The following LAMA3 variants were observed in gnomAD, a reference collection of about 807,000 sequenced individuals.
LAMA3 encodes laminin subunit alpha 3, also known as laminin subunit alpha-3.
A neutral mutation model predicts 402.0 loss-of-function variants in LAMA3; 281 were observed. That is an observed-to-expected ratio of 0.70 (90% CI 0.63 to 0.77). The LOEUF (loss-of-function observed/expected upper bound fraction) is 0.77. Ranked by LOEUF, LAMA3 falls within the 30% of genes least tolerant of loss-of-function variation. LAMA3 has a pLI of 0.00. For missense variants in LAMA3, 3,840 were observed against 4,215.5 expected, an observed-to-expected ratio of 0.91 and a Z score of 2.47; for synonymous variants, 1,431 against 1,558.4, an observed-to-expected ratio of 0.92 and a Z score of 1.93.
chr18:23,796,518 C>T (rs555696198), intron 12 of LAMA3, among the ~76,000 whole-genome samples: 1 of 152,182 alleles, frequency 6.6e-6, no homozygotes, highest in South Asian at 2.1e-4. Flanking sequence ...AGTGACCAAT[C>T]CTAAGAAAGA....
chr18:23,694,151 T>C (rs1320237960), intron 1 of LAMA3, among the ~76,000 whole-genome samples: 2 of 152,208 alleles, frequency 1.3e-5, no homozygotes, highest in Non-Finnish European at 2.9e-5. Context: ...CATATTGTAT[T>C]CCCTCAGTGG....
chr18:23,915,828 A>G (rs112601611), intron 59 of LAMA3, among the ~76,000 whole-genome samples: 6,327 of 151,736 alleles, frequency 0.042, 427 homozygotes, highest in African/African-American at 0.15. Context: ...CAACATGGCG[A>G]AACCCCATCT....
At chr18:23,916,763 G>A (rs546834913) in intron 60 of LAMA3, 68 bp downstream of exon 60, 3 of 1,515,870 alleles carry the variant, frequency 2.0e-6, no homozygotes, top group African/African-American at 2.7e-5. Flanking sequence ...GGAGATAACT[G>A]GGTTGTTATA....
At chr18:23,885,037 T>C (rs1334119592) in intron 41 of LAMA3, among the ~76,000 whole-genome samples, 184 bp downstream of exon 41, 1 of 152,098 alleles carries the variant, frequency 6.6e-6, no homozygotes, top group Admixed American at 6.5e-5. Context: ...TTCTCTTTCC[T>C]GCTTTGTACG....
chr18:23,925,487 T>C (rs1316312918), intron 62 of LAMA3, among the ~76,000 whole-genome samples: 2 of 152,180 alleles, frequency 1.3e-5, no homozygotes, highest in Non-Finnish European at 2.9e-5. Flanking sequence ...ATGAAAATGA[T>C]CCAAAAAGTA....
intron 69 of LAMA3, among the ~76,000 whole-genome samples, chr18:23,945,883 C>T (rs1337877610): frequency 1.3e-5 from 2 of 151,964 alleles, no homozygotes. Flanking sequence ...CAGATGAATT[C>T]TATAATCTCT....
At chr18:23,849,503 G>C (rs1381862022) in intron 32 of LAMA3, among the ~76,000 whole-genome samples, 1 of 152,198 alleles carries the variant, frequency 6.6e-6, no homozygotes, top group Non-Finnish European at 1.5e-5. Context: ...ACAATAAATC[G>C]CTGCAAATGG....
intron 1 of LAMA3, among the ~76,000 whole-genome samples, chr18:23,698,973 C>T (rs1271423851): frequency 2.0e-5 from 3 of 150,994 alleles, no homozygotes; most frequent in South Asian, 4.2e-4. Flanking sequence ...GGCCAGGGTG[C>T]GGTGGCTCAC....
At chr18:23,691,638 C>T (rs993540181) in intron 1 of LAMA3, among the ~76,000 whole-genome samples, 1 of 152,208 alleles carries the variant, frequency 6.6e-6, no homozygotes, top group Non-Finnish European at 1.5e-5. Context: ...GTGGTGCTAT[C>T]TTGGCTCACT....
At position 23,842,638 on chromosome 18, in the gene LAMA3, A is replaced by G; in HGVS notation, c.3491A>G (p.His1164Arg). 4 of 1,613,904 alleles carry G rather than the reference A, an allele frequency of 2.5e-6. No homozygotes were observed. The highest frequency in any genetic ancestry group is 3.4e-6 in the Non-Finnish European group (4 of 1,179,978). Residue 1164 changes from histidine to arginine, a missense_variant, in exon 29 of 75, where the codon CAT becomes CGT. By Grantham distance (29) the His-to-Arg change is conservative. Around this residue, in one of 3 missense-constraint regions of LAMA3, gnomAD observed 2,109 missense variants for 2,376.0 expected, o/e 0.89. Transcript: ENST00000313654. ...AGSFHASFCP[H>R]VLGCRDQVIA... The stretch of plus-strand genomic sequence containing the variant: ...TCCTTCCATGCCTCTTTTTGCCCCC[A>G]TGTGCTTGGCTGCCGGGATCAAGTG...
chr18:23,912,279 G>A (rs1470028708), intron 55 of LAMA3, among the ~76,000 whole-genome samples: 2 of 151,514 alleles, frequency 1.3e-5, no homozygotes, highest in Non-Finnish European at 2.9e-5. Flanking sequence ...GATTACAGGT[G>A]TGAGCTACTG....
intron 24 of LAMA3, 84 bp from the exon 25 acceptor site, chr18:23,836,897 A>G (rs2063592427): frequency 1.1e-6 from 1 of 932,250 alleles, no homozygotes; most frequent in South Asian, 1.3e-5. Context: ...GTGAAACCAA[A>G]GAGCCATCAG....
chr18:23,742,789 C>G (rs986148579), intron 2 of LAMA3, among the ~76,000 whole-genome samples: 1 of 151,852 alleles, frequency 6.6e-6, no homozygotes, highest in Non-Finnish European at 1.5e-5. Flanking sequence ...ACAAATTATG[C>G]AAAATAAAAA....
chr18:23,874,059 C>T (rs1250244253), intron 38 of LAMA3, among the ~76,000 whole-genome samples: 1 of 152,088 alleles, frequency 6.6e-6, no homozygotes, highest in East Asian at 1.9e-4. Flanking sequence ...GTAACTCTTG[C>T]AGAGTATATT....
At chr18:23,822,477 C>G (rs2063305711) in intron 20 of LAMA3, 102 bp downstream of exon 20, 3 of 1,287,220 alleles carry the variant, frequency 2.3e-6, no homozygotes, top group Non-Finnish European at 3.3e-6. Context: ...TAGAAAATGT[C>G]AAGCCTGGCT....
At chr18:23,885,749 T>C (rs2065053741) in intron 41 of LAMA3, among the ~76,000 whole-genome samples, 2 of 152,154 alleles carry the variant, frequency 1.3e-5, no homozygotes, top group Non-Finnish European at 2.9e-5. Flanking sequence ...TCAATACATA[T>C]TTATTATAAA....
rs1327888468 is a variant in LAMA3 at position 23,749,335 on chromosome 18, G to A, written c.566-93G>A. 68 of 709,852 alleles carry A rather than the reference G, an allele frequency of 9.6e-5. No individual in the cohort carries two copies. In the South Asian group the frequency reaches 1.2e-3, roughly 13 times the overall value. 44.0% of individuals were successfully genotyped at this position (709,852 alleles called of 1,614,324 possible). A position where few individuals can be genotyped will look rare whatever the true frequency, so the allele number is the denominator to read the frequency against. ...ATGCCTTTCTGTTTTTTCTTTCTTT[G>A]TGTATTTTCTTAAGGAAACATAAGG... On this transcript the variant is annotated intron_variant, in intron 3 of 74. Coordinates refer to ENST00000313654, the MANE Select transcript of LAMA3 (RefSeq NM_198129.4).
rs45516998 is a variant in LAMA3 at position 23,920,939 on chromosome 18, G to A, written c.7928G>A (p.Arg2643His). The change falls in exon 61 of 75, where the codon CGC becomes CAC. Residue 2643 changes from arginine (R) to histidine (H), a missense_variant. Physicochemically the swap from Arg to His is conservative, Grantham distance 29. This residue lies in a region of LAMA3 where 840 missense variants were observed against 981.9 expected (regional missense o/e 0.86). Coordinates refer to ENST00000313654, the MANE Select transcript of LAMA3 (RefSeq NM_198129.4). ...TGCATTGTTCCTCTGTCCTAGGATC[G>A]CTTCATATCTCTAAATATAGAAGAT... The part of the protein sequence containing the change: ...GLLFFAENGD[R>H]FISLNIEDGK... 2.5e-5 allele frequency: 40 copies of A among 1,613,684 alleles called. No individual in the cohort carries two copies. Among genetic ancestry groups the A allele is most frequent in the African/African-American group, 1.3e-4 (10 of 74,884 alleles).
intron 44 of LAMA3, chr18:23,898,431 T>C (rs141001966): frequency 6.0e-6 from 2 of 330,850 alleles, no homozygotes; most frequent in East Asian, 6.4e-5. Flanking sequence ...GTATTTATTA[T>C]AGAATCTGGA....
Sources: gnomAD v4.1 joint callset for allele counts (sites outside exome capture counted in the v4.1 genomes callset) on GRCh38, gnomAD v4.1.1 for gene constraint, gnomAD v4.1.1 regional missense constraint, MANE v1.5 for transcripts, NCBI Gene and HGNC (gene_info 2026-07-23, HGNC 2026-07-21) for gene names.